Variants in SFMBT2 observed in about 807,000 individuals in gnomAD.
The protein encoded by SFMBT2 is Scm like with four mbt domains 2.
A neutral mutation model predicts 110.1 loss-of-function variants in SFMBT2; 38 were observed. That is an observed-to-expected ratio of 0.35 (90% CI 0.27 to 0.45). The LOEUF is 0.45. Ranked by LOEUF, SFMBT2 falls within the 20% of genes least tolerant of loss-of-function variation. The probability of loss-of-function intolerance (pLI) is 1.00; values close to 1 mark genes in which losing one functional copy is unlikely to be tolerated. For missense variants in SFMBT2, 1,011 were observed against 1,094.9 expected (o/e 0.92, Z 1.08); for synonymous variants, 425 against 425.4 (o/e 1.00, Z 0.01).
chr10:7,243,453 C>T (rs1840501501), intron 9 of SFMBT2, 105 bp downstream of exon 9: 1 of 758,422 alleles, frequency 1.3e-6, no homozygotes, highest in Non-Finnish European at 2.3e-6. Flanking sequence ...TACATCTAAA[C>T]CCTTTACACA....
chr10:7,346,988 T>TCAAAA (rs71515471), intron 4 of SFMBT2, among the ~76,000 whole-genome samples: 15,869 of 150,304 alleles, frequency 0.11, 897 homozygotes, highest in Non-Finnish European at 0.14. Context: ...AGACTCTGTC[T>TCAAAA]CAAAACAAAA....
intron 7 of SFMBT2, among the ~76,000 whole-genome samples, chr10:7,273,664 T>A (rs1841677345): frequency 6.6e-6 from 1 of 152,314 alleles, no homozygotes; most frequent in African/African-American, 2.4e-5. Flanking sequence ...CCCAACCCTG[T>A]GTCCAAGTGT....
At chr10:7,291,526 C>T (rs565664202) in intron 4 of SFMBT2, among the ~76,000 whole-genome samples, 6 of 152,312 alleles carry the variant, frequency 3.9e-5, no homozygotes, top group African/African-American at 1.4e-4. Context: ...CCCGGGTCCT[C>T]TCTGATTCCT....
intron 1 of SFMBT2, among the ~76,000 whole-genome samples, chr10:7,384,065 G>T (rs1845507172): frequency 1.3e-5 from 2 of 151,832 alleles, no homozygotes; most frequent in African/African-American, 4.8e-5. Flanking sequence ...ACAAAAATTA[G>T]CCAGGCATGG....
At chr10:7,177,434 T>C (rs1285608996) in intron 16 of SFMBT2, among the ~76,000 whole-genome samples, 1 of 152,162 alleles carries the variant, frequency 6.6e-6, no homozygotes, top group South Asian at 2.1e-4. Context: ...GATTGAACCA[T>C]GTCCCTCCTA....
Position 7,170,810 on chromosome 10 carries a change from C to T in SFMBT2, c.2544+118G>A, listed in dbSNP as rs151265376. On this transcript the variant is annotated intron_variant, in intron 20 of 20. Coordinates refer to ENST00000397167, the MANE Select transcript of SFMBT2 (RefSeq NM_001387889.1). This position sits in a 1 kb window ranked among gnomAD's most constrained non-coding sequence, Gnocchi z 4.6. Reference sequence around the variant, plus strand: ...AGGGAGAAGGGTCTCGCACACCTGCCGAGCAGCGCCGAAGAACCCCCTCGC... The same window carrying T: ...AGGGAGAAGGGTCTCGCACACCTGCTGAGCAGCGCCGAAGAACCCCCTCGC... 7.3e-5 allele frequency: 90 copies of T among 1,239,028 alleles called. 1 individual carries two copies. The South Asian group carries it at 7.4e-4, about 10-fold the overall frequency. The allele number at this position is 1,239,028 out of a possible 1,614,324, so 76.8% of individuals were successfully genotyped here. A position where few individuals can be genotyped will look rare whatever the true frequency, so the allele number is the denominator to read the frequency against.
chr10:7,405,656 A>C (rs1177834399), intron 1 of SFMBT2, among the ~76,000 whole-genome samples: 1 of 152,138 alleles, frequency 6.6e-6, no homozygotes, highest in Admixed American at 6.5e-5. Context: ...GATGTACTGA[A>C]TCACAGATGT....
intron 7 of SFMBT2, among the ~76,000 whole-genome samples, chr10:7,265,509 GTCT>G (rs1333418263): frequency 6.6e-6 from 1 of 152,146 alleles, no homozygotes; most frequent in Non-Finnish European, 1.5e-5. Flanking sequence ...CCCCTGAGAT[GTCT>G]TCTTAATTTC....
intron 7 of SFMBT2, among the ~76,000 whole-genome samples, chr10:7,268,851 A>G (rs1376037081): frequency 3.3e-5 from 5 of 152,232 alleles, no homozygotes; most frequent in Admixed American, 1.3e-4. Flanking sequence ...GATTTTTAAA[A>G]GGAAGATTTC....
At chr10:7,235,541 A>G (rs566711457) in intron 9 of SFMBT2, among the ~76,000 whole-genome samples, 2 of 151,830 alleles carry the variant, frequency 1.3e-5, no homozygotes, top group African/African-American at 4.8e-5. Flanking sequence ...ACACACACAC[A>G]CACGCAACCA....
chr10:7,175,046 T>G (rs1838008289), intron 17 of SFMBT2, among the ~76,000 whole-genome samples: 1 of 152,280 alleles, frequency 6.6e-6, no homozygotes, highest in South Asian at 2.1e-4. Context: ...TTCAGATTCC[T>G]GGTTCCAGCA....
intron 10 of SFMBT2, among the ~76,000 whole-genome samples, chr10:7,225,186 C>T (rs1839862239): frequency 6.6e-6 from 1 of 152,200 alleles, no homozygotes; most frequent in South Asian, 2.1e-4. Context: ...CAAGGGAAAG[C>T]TACAACCACA....
rs187110367 is a variant in SFMBT2 at position 7,299,373 on chromosome 10, C to T, written c.437-13419G>A. ...GCTAATATCCAGAATTTATAAGGAACGTAAACATATTTACAAGAAAAAAAC... is the reference window on the plus strand; with the variant it reads ...GCTAATATCCAGAATTTATAAGGAATGTAAACATATTTACAAGAAAAAAAC... On this transcript the variant is annotated intron_variant, in intron 4 of 20. Transcript: ENST00000397167. 6.6e-5 allele frequency among the ~76,000 whole-genome samples: 10 copies of T among 152,160 alleles called. No homozygotes were observed. The East Asian group carries it at 1.4e-3, about 21-fold the overall frequency.
In SFMBT2 at chr10:7,227,865, C is replaced by A. The variant is rs759146738; in HGVS notation, c.1193G>T (p.Cys398Phe). The A allele has an allele frequency of 1.2e-6, 2 of 1,608,764 alleles. No homozygotes were observed. Among genetic ancestry groups the A allele is most frequent in the East Asian group, 4.5e-5 (2 of 44,700 alleles). Residue 398 changes from cysteine (C) to phenylalanine (F), a missense_variant, in exon 10 of 21, where the codon TGC becomes TTC. By Grantham distance (205) the Cys-to-Phe change is radical. Coordinates refer to ENST00000397167, the MANE Select transcript of SFMBT2 (RefSeq NM_001387889.1). ...QHGAQEAPPF[C>F]FRNTSFSRGF... is the part of the protein sequence containing the mutation. ...AGAGAAGCTTCTTACATTTCGGAAG[C>A]AGAAGGGAGGGGCTTCCTGCGCCCC...
chr10:7,374,448 C>T (rs1218375063), intron 2 of SFMBT2, among the ~76,000 whole-genome samples: 1 of 152,104 alleles, frequency 6.6e-6, no homozygotes, highest in South Asian at 2.1e-4. Context: ...ACACTGAGAC[C>T]GCTGGTTGCA....
chr10:7,380,872 A>C (rs2132080312), intron 2 of SFMBT2, among the ~76,000 whole-genome samples: 1 of 152,264 alleles, frequency 6.6e-6, no homozygotes, highest in East Asian at 1.9e-4. Context: ...CAACACAGTG[A>C]GACCCCATCT....
chr10:7,344,019 A>G (rs1844019203), intron 4 of SFMBT2, among the ~76,000 whole-genome samples: 2 of 152,206 alleles, frequency 1.3e-5, no homozygotes, highest in Non-Finnish European at 2.9e-5. Context: ...AATTATTCAT[A>G]TGCTCTGAAA....
Position 7,202,467 on chromosome 10 carries a change from A to G in SFMBT2, c.1487+13T>C, listed in dbSNP as rs761933588. 6.2e-7 allele frequency: 1 copy of G among 1,614,200 alleles called. No individual in the cohort carries two copies. The highest frequency in any genetic ancestry group is 1.1e-5 in the South Asian group (1 of 91,076). On this transcript the variant is annotated intron_variant, in intron 13 of 20. Transcript: ENST00000397167. ...GGTATACAGTGTAGTCTGGAGGGGAAAAAAGCACGTACTGTTTCTCTGGTT... is the reference window on the plus strand; with the variant it reads ...GGTATACAGTGTAGTCTGGAGGGGAGAAAAGCACGTACTGTTTCTCTGGTT...
chr10:7,205,344 GCCTCCCAAAGTAC>G, intron 12 of SFMBT2: 1 of 940,670 alleles, frequency 1.1e-6, no homozygotes, highest in Non-Finnish European at 1.3e-6. Flanking sequence ...TCCTGCCTTG[GCCTCCCAAAGTAC>G]TGAGATTATA....
Sources: allele counts gnomAD v4.1 joint callset (sites outside exome capture counted in the v4.1 genomes callset), GRCh38; gene constraint gnomAD v4.1.1; non-coding constraint Gnocchi (gnomAD v3.1); transcripts MANE v1.5; gene names NCBI Gene and HGNC (gene_info 2026-07-23, HGNC 2026-07-21).